Variants in ZFYVE28 observed in about 807,000 individuals in gnomAD.
ZFYVE28 encodes lateral signaling target protein 2 homolog.
Under a neutral mutation model 82.1 loss-of-function variants are expected in ZFYVE28, and 40 were observed. The ratio of observed to expected loss-of-function variants is 0.49; its 90% confidence interval spans 0.38 to 0.63. The LOEUF (loss-of-function observed/expected upper bound fraction) is 0.63, where lower values mean the gene tolerates loss of function less well. Among genes scored for constraint, ZFYVE28 ranks in the 30% least tolerant of loss-of-function variants. The probability of loss-of-function intolerance (pLI) is 0.00; values close to 1 mark genes in which losing one functional copy is unlikely to be tolerated. For missense variants in ZFYVE28, 1,321 were observed against 1,242.1 expected, an observed-to-expected ratio of 1.06 and a Z score of -0.96; for synonymous variants, 612 against 546.1, an observed-to-expected ratio of 1.12 and a Z score of -1.68.
At chr4:2,415,492 A>G (rs1732946596) in intron 1 of ZFYVE28, among the ~76,000 whole-genome samples, 1 of 138,732 alleles carries the variant, frequency 7.2e-6, no homozygotes. Context: ...AAAAATTTAT[A>G]AAAAGAAGCT....
chr4:2,288,361 C>G lies in ZFYVE28; in HGVS notation c.2052-14145G>C, dbSNP rs573956094. 7.2e-5 allele frequency among the ~76,000 whole-genome samples: 11 copies of G among 152,362 alleles called. No homozygotes were observed. In the South Asian group the frequency reaches 2.3e-3, roughly 32 times the overall value. ...ATCTCTAATGAGGGCAAGTCCTGAT[C>G]TGTGCAGTGAGGGGGTGGGCCAGGT... On this transcript the variant is annotated intron_variant, in intron 8 of 12. Transcript: ENST00000290974.
intron 1 of ZFYVE28, among the ~76,000 whole-genome samples, chr4:2,387,816 C>T (rs1729430945): frequency 6.6e-6 from 1 of 152,236 alleles, no homozygotes; most frequent in Non-Finnish European, 1.5e-5. Flanking sequence ...CTTATCACCT[C>T]CAGAAAGAAC....
rs1294726968 is a variant in ZFYVE28, at chr4:2,408,480, C to T, written c.39+9805G>A. 1.3e-5 allele frequency among the ~76,000 whole-genome samples: 2 copies of T among 152,206 alleles called. No individual in the cohort carries two copies. The highest frequency in any genetic ancestry group is 1.3e-4 in the Admixed American group (2 of 15,288). On this transcript the variant is annotated intron_variant, in intron 1 of 12. Transcript: ENST00000290974. The surrounding 1 kb of genome is among the most constrained non-coding windows in gnomAD (Gnocchi z 4.3). ...CTGAGACTCAGCATCGGGGAGAAAG[C>T]CTGGAGGGGGCCTGCCTGACAGCTG...
At chr4:2,404,182 C>T (rs915392916) in intron 1 of ZFYVE28, among the ~76,000 whole-genome samples, 4 of 150,122 alleles carry the variant, frequency 2.7e-5, no homozygotes, top group Non-Finnish European at 4.4e-5. Context: ...ATTATCCAGG[C>T]ATGGTGGTGG....
Position 2,293,752 on chromosome 4 carries a change from C to CAAAA in ZFYVE28, c.2051+10533_2051+10536dup, listed in dbSNP as rs71644322. ...TGGGTGACAGAGCAAGACTCCATCT[C>CAAAA]AAAAAAAAAAAAAAAAAAATCTTCT... On this transcript the variant is annotated intron_variant, in intron 8 of 12. Coordinates refer to ENST00000290974, the MANE Select transcript of ZFYVE28 (RefSeq NM_020972.3). Among the ~76,000 whole-genome samples, 5 of 83,912 alleles carry CAAAA rather than the reference C, an allele frequency of 6.0e-5. 1 individual carries two copies. The highest frequency in any genetic ancestry group is 1.0e-4 in the Non-Finnish European group (5 of 48,308). The allele number at this position is 83,912 out of a possible 152,430, so 55.0% of individuals were successfully genotyped here. A position where few individuals can be genotyped will look rare whatever the true frequency, so the allele number is the denominator to read the frequency against.
Position 2,409,693 on chromosome 4 carries a change from G to A in ZFYVE28, c.39+8592C>T, listed in dbSNP as rs1732310023. Among the ~76,000 whole-genome samples, 1 of 152,268 alleles carries A rather than the reference G, an allele frequency of 6.6e-6. No homozygotes were observed. Among genetic ancestry groups the A allele is most frequent in the African/African-American group, 2.4e-5 (1 of 41,468 alleles). ...GGCTGAGTCCAGTACACCCACGGTGGGGTGGGGGGGCTGACCCCTGCGGGC... is the reference window on the plus strand; with the variant it reads ...GGCTGAGTCCAGTACACCCACGGTGAGGTGGGGGGGCTGACCCCTGCGGGC... On this transcript the variant is annotated intron_variant, in intron 1 of 12. Coordinates refer to ENST00000290974, the MANE Select transcript of ZFYVE28 (RefSeq NM_020972.3). The surrounding 1 kb of genome is among the most constrained non-coding windows in gnomAD (Gnocchi z 4.4).
intron 7 of ZFYVE28, among the ~76,000 whole-genome samples, chr4:2,315,147 G>T (rs4479771): frequency 1.3e-5 from 2 of 151,872 alleles, no homozygotes; most frequent in African/African-American, 2.4e-5. Context: ...TGTTTTATGT[G>T]CAGGTTGCTG....
chr4:2,334,565 A>C (rs1168616390), intron 6 of ZFYVE28, among the ~76,000 whole-genome samples: 2 of 150,912 alleles, frequency 1.3e-5, no homozygotes, highest in African/African-American at 2.4e-5. Flanking sequence ...GCTCCTCAGC[A>C]TGGCCTCAGT....
In ZFYVE28 at chr4:2,366,508, C is replaced by G. The variant is rs1425050681; in HGVS notation, c.40-12435G>C. 2.6e-5 allele frequency among the ~76,000 whole-genome samples: 4 copies of G among 152,218 alleles called. No individual in the cohort carries two copies. The East Asian group carries it at 7.7e-4, about 29-fold the overall frequency. ...CCGGCCAAGTTGCTCTCACTTGCAG[C>G]AGAAGCCACAGCCAGCTCGGAGGGG... On this transcript the variant is annotated intron_variant, in intron 1 of 12. Transcript: ENST00000290974.
chr4:2,308,400 A>G (rs977260529), intron 7 of ZFYVE28, among the ~76,000 whole-genome samples: 36 of 151,568 alleles, frequency 2.4e-4, no homozygotes, highest in African/African-American at 8.7e-4. Context: ...AAGCCCATTG[A>G]GAGTAGAACA....
At position 2,337,478 on chromosome 4, in the gene ZFYVE28, C is replaced by T. The variant is rs1722013636; in HGVS notation, c.540G>A (p.Val180=). The T allele has an allele frequency of 1.9e-6, 3 of 1,608,752 alleles. No individual in the cohort carries two copies. The highest frequency in any genetic ancestry group is 2.5e-6 in the Non-Finnish European group (3 of 1,177,312). The part of the protein sequence containing the change: ...EFELSYVSAM[V]PVKSPREYYV... ...AGTACTCCCTGGGGGACTTCACAGGCACCATGGCCGAGACGTAGCTGCAAA... is the reference window on the plus strand; with the variant it reads ...AGTACTCCCTGGGGGACTTCACAGGTACCATGGCCGAGACGTAGCTGCAAA... The change falls in exon 5 of 13, where the codon GTG becomes GTA. Residue 180 remains valine, a synonymous_variant. Transcript: ENST00000290974.
intron 2 of ZFYVE28, among the ~76,000 whole-genome samples, chr4:2,349,588 G>C (rs909967132): frequency 4.6e-5 from 7 of 152,186 alleles, no homozygotes; most frequent in African/African-American, 1.4e-4. Context: ...TGATATAACT[G>C]AGTGCCTACT....
At chr4:2,411,931 G>C (rs1387392777) in intron 1 of ZFYVE28, among the ~76,000 whole-genome samples, 2 of 152,214 alleles carry the variant, frequency 1.3e-5, no homozygotes, top group African/African-American at 2.4e-5. Context: ...TTGGGGGCCA[G>C]TCCGACATGG....
intron 8 of ZFYVE28, among the ~76,000 whole-genome samples, chr4:2,293,519 C>T (rs966416000): frequency 2.6e-5 from 4 of 152,010 alleles, no homozygotes; most frequent in Non-Finnish European, 4.4e-5. Flanking sequence ...TTTGGGAGGC[C>T]GAGGCAGGTG....
chr4:2,346,815 AAG>A (rs1458574978), intron 2 of ZFYVE28, among the ~76,000 whole-genome samples: 1 of 152,150 alleles, frequency 6.6e-6, no homozygotes, highest in Non-Finnish European at 1.5e-5. Context: ...CATAAAAATT[AAG>A]AGAGGAAATT....
intron 6 of ZFYVE28, among the ~76,000 whole-genome samples, chr4:2,334,455 C>T (rs566844472): frequency 1.9e-4 from 29 of 152,122 alleles, no homozygotes; most frequent in South Asian, 8.3e-4. Context: ...GCCACCGCCC[C>T]GCGTGCTCCC....
At chr4:2,334,990 C>T (rs372467840) in intron 6 of ZFYVE28, among the ~76,000 whole-genome samples, 18 of 150,530 alleles carry the variant, frequency 1.2e-4, no homozygotes, top group African/African-American at 4.4e-4. Flanking sequence ...GCAGCCTGAC[C>T]CCTGGGCTCT....
At chr4:2,364,151 G>C (rs1380657439) in intron 1 of ZFYVE28, among the ~76,000 whole-genome samples, 1 of 152,202 alleles carries the variant, frequency 6.6e-6, no homozygotes, top group Non-Finnish European at 1.5e-5. Context: ...GCCCAGTGGG[G>C]CACAGGGTGC....
chr4:2,322,585 T>C (rs1719255835), intron 6 of ZFYVE28, among the ~76,000 whole-genome samples: 1 of 152,146 alleles, frequency 6.6e-6, no homozygotes, highest in African/African-American at 2.4e-5. Flanking sequence ...GGGTGGCCAG[T>C]CTTCCCTTTT....
Sources: gnomAD v4.1 joint callset for allele counts (sites outside exome capture counted in the v4.1 genomes callset) on GRCh38, gnomAD v4.1.1 for gene constraint, Gnocchi (gnomAD v3.1) non-coding constraint, MANE v1.5 for transcripts, NCBI Gene and HGNC (gene_info 2026-07-23, HGNC 2026-07-21) for gene names.